The following NOL4 variants were observed in gnomAD, a reference collection of about 807,000 sequenced individuals.
NOL4 encodes the protein cancer/testis antigen 125.
NOL4 carries 17 observed loss-of-function variants against 75.9 expected under a neutral mutation model. The ratio of observed to expected loss-of-function variants is 0.22; its 90% CI spans 0.15 to 0.34. The LOEUF (loss-of-function observed/expected upper bound fraction) is 0.34, where lower values mean the gene tolerates loss of function less well. NOL4 is among the 10% of genes least tolerant of loss of function. The pLI is 1.00. For synonymous variants in NOL4, 292 were observed against 289.9 expected (o/e 1.01, Z -0.07); for missense variants, 614 against 793.5 (o/e 0.77, Z 2.72).
intron 6 of NOL4, among the ~76,000 whole-genome samples, chr18:33,995,987 C>T (rs1209176268): frequency 6.6e-6 from 1 of 151,742 alleles, no homozygotes; most frequent in Non-Finnish European, 1.5e-5. Flanking sequence ...TATTCTTCTG[C>T]CTAGTTATTC....
In NOL4 at chr18:34,088,345, T is replaced by C. The variant is rs1023351624; in HGVS notation, c.772+5120A>G. Among the ~76,000 whole-genome samples, 4 of 152,014 alleles carry C rather than the reference T, an allele frequency of 2.6e-5. No individual in the cohort carries two copies. In the East Asian group the frequency reaches 7.7e-4, roughly 29 times the overall value. On this transcript the variant is annotated intron_variant, in intron 5 of 10. Transcript: ENST00000261592. ...TACAAATTCATAATAAAGTAAGTAA[T>C]TGATTTAGGAAAGGGAATACATTTT...
chr18:33,983,641 T>C (rs2072179689), intron 6 of NOL4, among the ~76,000 whole-genome samples: 1 of 152,020 alleles, frequency 6.6e-6, no homozygotes, highest in South Asian at 2.1e-4. Context: ...TGCACACATA[T>C]GTATATACAC....
intron 9 of NOL4, among the ~76,000 whole-genome samples, chr18:33,922,527 T>G (rs1568067078): frequency 6.6e-6 from 1 of 152,208 alleles, no homozygotes; most frequent in African/African-American, 2.4e-5. Flanking sequence ...TTTCTAGCAC[T>G]TAGTCTTGCA....
intron 1 of NOL4, among the ~76,000 whole-genome samples, chr18:34,171,634 T>C (rs1451928452): frequency 1.3e-5 from 2 of 152,118 alleles, no homozygotes; most frequent in African/African-American, 4.8e-5. Context: ...AGAGGAAAAT[T>C]GGGCCTAGTG....
rs558557889 is a variant in NOL4, at chr18:34,158,519, A to C, written c.265-28499T>G. Reference sequence around the variant, plus strand: ...TAGAGCCCAGAAAAGAGATTTTAGCACTGGCATATAGAACTGGAAATGAGA... The same window carrying C: ...TAGAGCCCAGAAAAGAGATTTTAGCCCTGGCATATAGAACTGGAAATGAGA... On this transcript the variant is annotated intron_variant, in intron 1 of 10. Coordinates refer to ENST00000261592, the MANE Select transcript of NOL4 (RefSeq NM_003787.5). 9.2e-5 allele frequency: 14 copies of C among 152,326 alleles called. No homozygotes were observed. The East Asian group carries it at 2.5e-3, about 27-fold the overall frequency. The allele number at this position is 152,326 out of a possible 1,614,324, so 9.4% of individuals were successfully genotyped here. A position where few individuals can be genotyped will look rare whatever the true frequency, so the allele number is the denominator to read the frequency against.
intron 10 of NOL4, among the ~76,000 whole-genome samples, chr18:33,853,434 A>G (rs2062706286): frequency 6.6e-6 from 1 of 152,076 alleles, no homozygotes; most frequent in African/African-American, 2.4e-5. Context: ...GATATCTTAG[A>G]CCGCATCAAT....
chr18:34,195,855 CA>C (rs778583689), intron 1 of NOL4, among the ~76,000 whole-genome samples: 5 of 152,080 alleles, frequency 3.3e-5, no homozygotes, highest in African/African-American at 4.8e-5. Context: ...ATGACATTAG[CA>C]TTAATGTATA....
At chr18:33,884,468 C>T (rs16965010) in intron 9 of NOL4, among the ~76,000 whole-genome samples, 2,576 of 152,162 alleles carry the variant, frequency 0.017, 65 homozygotes, top group African/African-American at 0.058. Context: ...TCATGTCAAA[C>T]TGTGAGGAAA....
intron 3 of NOL4, 46 bp downstream of exon 3, chr18:34,105,003 T>G (rs777468619): frequency 3.6e-5 from 43 of 1,197,242 alleles, no homozygotes; most frequent in African/African-American, 6.0e-5. Context: ...AAATGGCCAT[T>G]ATGAATAAAA....
chr18:34,043,422 T>A (rs537991943), intron 5 of NOL4, among the ~76,000 whole-genome samples: 2 of 152,104 alleles, frequency 1.3e-5, no homozygotes, highest in Admixed American at 6.6e-5. Flanking sequence ...TGACCAATAA[T>A]CTGCTTATTT....
intron 2 of NOL4, among the ~76,000 whole-genome samples, chr18:34,105,904 A>G (rs2079252510): frequency 6.6e-6 from 1 of 152,050 alleles, no homozygotes; most frequent in Non-Finnish European, 1.5e-5. Context: ...TTTTATAAAT[A>G]TTAATTTTCT....
At chr18:34,222,550 G>T in intron 1 of NOL4, 2 of 682,900 alleles carry the variant, frequency 2.9e-6, no homozygotes, top group Non-Finnish European at 3.6e-6. Flanking sequence ...AGACACTGTA[G>T]ACTATCGATC....
chr18:34,142,692 G>T (rs1050676795), intron 1 of NOL4, among the ~76,000 whole-genome samples: 1 of 152,130 alleles, frequency 6.6e-6, no homozygotes, highest in African/African-American at 2.4e-5. Context: ...GGGGTGGGGG[G>T]AGGATGGAGG....
chr18:34,222,469 A>C, intron 1 of NOL4: 2 of 1,087,638 alleles, frequency 1.8e-6, no homozygotes, highest in Non-Finnish European at 1.1e-6. Context: ...CTAACGATAA[A>C]ACCTGACAGT....
At chr18:34,101,759 C>A (rs1447920649) in intron 4 of NOL4, among the ~76,000 whole-genome samples, 1 of 152,014 alleles carries the variant, frequency 6.6e-6, no homozygotes, top group Non-Finnish European at 1.5e-5. Flanking sequence ...GTCCCTGCAT[C>A]CAGTTTTTTT....
intron 6 of NOL4, among the ~76,000 whole-genome samples, chr18:33,966,836 A>G (rs555405684): frequency 1.3e-5 from 2 of 152,206 alleles, no homozygotes; most frequent in Non-Finnish European, 2.9e-5. Context: ...GAGATGACAT[A>G]AGCAAATGGA....
intron 8 of NOL4, among the ~76,000 whole-genome samples, chr18:33,954,370 G>A (rs887445007): frequency 1.3e-5 from 2 of 152,088 alleles, no homozygotes; most frequent in Non-Finnish European, 2.9e-5. Context: ...ACACAGTGGT[G>A]AGAACCATAG....
intron 9 of NOL4, among the ~76,000 whole-genome samples, chr18:33,934,873 T>G (rs866774001): frequency 2.3e-4 from 34 of 151,028 alleles, no homozygotes; most frequent in Non-Finnish European, 3.4e-4. Flanking sequence ...TTTTTTTTTT[T>G]TTTTTTTTTG....
At chr18:34,205,435 A>G (rs949095327) in intron 1 of NOL4, among the ~76,000 whole-genome samples, 3 of 152,098 alleles carry the variant, frequency 2.0e-5, no homozygotes, top group African/African-American at 7.2e-5. Context: ...CAAATGTATC[A>G]GCGGGTGGCA....
Sources: gnomAD v4.1 joint callset for allele counts (sites outside exome capture counted in the v4.1 genomes callset) on GRCh38, gnomAD v4.1.1 for gene constraint, MANE v1.5 for transcripts, NCBI Gene and HGNC (gene_info 2026-07-23, HGNC 2026-07-21) for gene names.